The following DAB1 variants were observed in gnomAD, a reference collection of about 807,000 sequenced individuals.
DAB1 encodes the protein DAB adaptor protein 1.
DAB1 carries 15 observed loss-of-function variants against 64.6 expected under a neutral mutation model. That is an observed-to-expected ratio of 0.23 (90% CI 0.16 to 0.36). The LOEUF is 0.36. Among genes scored for constraint, DAB1 ranks in the 10% least tolerant of loss-of-function variants. The probability of loss-of-function intolerance (pLI) is 1.00; values close to 1 mark genes in which losing one functional copy is unlikely to be tolerated. For missense variants in DAB1, 596 were observed against 706.7 expected (o/e 0.84, Z 1.78); for synonymous variants, 235 against 251.9 (o/e 0.93, Z 0.64).
At chr1:57,002,865 G>T (rs1645922441) in intron 14 of DAB1, among the ~76,000 whole-genome samples, 1 of 152,186 alleles carries the variant, frequency 6.6e-6, no homozygotes, top group African/African-American at 2.4e-5. Context: ...TTCCTCATCT[G>T]TAAAATGAGG....
chr1:58,432,892 C>G (rs1051512192), intron 3 of DAB1, among the ~76,000 whole-genome samples: 30 of 152,258 alleles, frequency 2.0e-4, no homozygotes, highest in Admixed American at 7.2e-4. Flanking sequence ...AGCCCTCCCC[C>G]CAGCCCCCTT....
At chr1:57,278,630 A>G (rs937733307) in intron 2 of DAB1, among the ~76,000 whole-genome samples, 2 of 152,224 alleles carry the variant, frequency 1.3e-5, no homozygotes, top group Non-Finnish European at 2.9e-5. Context: ...GCTATGTCTC[A>G]GAGGAGCAGG....
intron 7 of DAB1, among the ~76,000 whole-genome samples, chr1:57,070,275 A>G (rs1651323044): frequency 6.6e-6 from 1 of 152,240 alleles, no homozygotes; most frequent in Admixed American, 6.5e-5. Flanking sequence ...GTGTAAGTTC[A>G]AGATTTTCCT....
At chr1:58,456,139 C>G (rs1645191155) in intron 3 of DAB1, among the ~76,000 whole-genome samples, 3 of 152,240 alleles carry the variant, frequency 2.0e-5, no homozygotes, top group African/African-American at 7.2e-5. Flanking sequence ...TCTCAATTTT[C>G]TTTTCTTCCC....
chr1:57,126,789 C>T (rs1657164394), intron 4 of DAB1, among the ~76,000 whole-genome samples: 1 of 152,166 alleles, frequency 6.6e-6, no homozygotes, highest in Non-Finnish European at 1.5e-5. Flanking sequence ...GTCACCCAGC[C>T]CCCAGGCTCA....
At chr1:58,432,990 C>T (rs919966904) in intron 3 of DAB1, among the ~76,000 whole-genome samples, 2 of 152,238 alleles carry the variant, frequency 1.3e-5, no homozygotes, top group African/African-American at 4.8e-5. Context: ...AGGCATTCCT[C>T]TTTGCAAGCC....
intron 5 of DAB1, among the ~76,000 whole-genome samples, chr1:57,959,957 C>T (rs1382394555): frequency 6.6e-6 from 1 of 152,168 alleles, no homozygotes; most frequent in African/African-American, 2.4e-5. Flanking sequence ...CTCTAGGCAA[C>T]CCTTGCATAA....
rs1673994308 is a variant in DAB1 at position 57,304,792 on chromosome 1, C to T, written c.-136-13626G>A. 2.6e-5 allele frequency among the ~76,000 whole-genome samples: 4 copies of T among 152,042 alleles called. 1 individual carries two copies. The highest frequency in any genetic ancestry group is 2.6e-4 in the Admixed American group (4 of 15,264). On this transcript the variant is annotated intron_variant, in intron 1 of 14. Coordinates refer to ENST00000371236, the MANE Select transcript of DAB1 (RefSeq NM_001365792.1). ...CCATATAACTATTGATTACGTAATC[C>T]ATACTTCTCAAAATGAGTTAGGAAA...
At chr1:57,795,734 T>TATATATATATATA (rs1650828779) in intron 6 of DAB1, among the ~76,000 whole-genome samples, 1 of 108,682 alleles carries the variant, frequency 9.2e-6, no homozygotes, top group Non-Finnish European at 1.9e-5. Flanking sequence ...TATATATATA[T>TATATATATATATA]CATACACATG....
chr1:58,220,157 C>G (rs1659081842), intron 4 of DAB1, among the ~76,000 whole-genome samples: 1 of 152,138 alleles, frequency 6.6e-6, no homozygotes, highest in African/African-American at 2.4e-5. Flanking sequence ...AACTTTTTGT[C>G]ATTGGGGGCC....
rs191625655 is a variant in DAB1, at chr1:57,978,386, C to A, written n.388-94224G>T. On this transcript the variant is annotated intron_variant and non_coding_transcript_variant, in intron 5 of 20. Transcript: ENST00000485760. Reference sequence around the variant, plus strand: ...ATGTGCAGAAAACTGAAACAGGACCCCTTCCTTACACCTTATATAAAAATC... The same window carrying A: ...ATGTGCAGAAAACTGAAACAGGACCACTTCCTTACACCTTATATAAAAATC... Among the ~76,000 whole-genome samples, 85 of 152,224 alleles carry A rather than the reference C, an allele frequency of 5.6e-4. No individual in the cohort carries two copies. The East Asian group carries it at 9.8e-3, about 18-fold the overall frequency.
chr1:58,241,889 C>G (rs774262023), intron 4 of DAB1, among the ~76,000 whole-genome samples: 3 of 152,054 alleles, frequency 2.0e-5, no homozygotes, highest in Admixed American at 1.3e-4. Context: ...TTATTACATT[C>G]TCTTTAGAAA....
intron 2 of DAB1, among the ~76,000 whole-genome samples, chr1:57,216,526 A>C (rs1420484815): frequency 6.6e-6 from 1 of 152,204 alleles, no homozygotes; most frequent in African/African-American, 2.4e-5. Flanking sequence ...TGTTATTATC[A>C]AATGAGAGGT....
At chr1:57,279,037 TG>T (rs1307883593) in intron 2 of DAB1, among the ~76,000 whole-genome samples, 9 of 152,214 alleles carry the variant, frequency 5.9e-5, no homozygotes, top group African/African-American at 2.2e-4. Flanking sequence ...GGATGCCCGC[TG>T]GGAGGTGAAC....
At chr1:58,336,159 T>A (rs914417825) in intron 4 of DAB1, among the ~76,000 whole-genome samples, 6 of 152,178 alleles carry the variant, frequency 3.9e-5, no homozygotes, top group Non-Finnish European at 8.8e-5. Flanking sequence ...ATAAATGATT[T>A]TTAAATTGGA....
chr1:58,035,908 A>G (rs1012637760), intron 5 of DAB1, among the ~76,000 whole-genome samples: 1 of 152,250 alleles, frequency 6.6e-6, no homozygotes, highest in African/African-American at 2.4e-5. Flanking sequence ...CTGCTTACAG[A>G]TAGACCTTTG....
At chr1:57,595,344 G>T (rs1277898210) in intron 7 of DAB1, among the ~76,000 whole-genome samples, 1 of 151,928 alleles carries the variant, frequency 6.6e-6, no homozygotes, top group Non-Finnish European at 1.5e-5. Flanking sequence ...AAGGATATCA[G>T]CTTTTTTGGG....
intron 6 of DAB1, among the ~76,000 whole-genome samples, chr1:57,766,934 T>C (rs1649340021): frequency 6.6e-6 from 1 of 151,446 alleles, no homozygotes; most frequent in Admixed American, 6.6e-5. Context: ...ACCAGGTTAT[T>C]ATAAATGATA....
At chr1:57,561,697 G>A (rs1645054246) in intron 7 of DAB1, among the ~76,000 whole-genome samples, 1 of 152,180 alleles carries the variant, frequency 6.6e-6, no homozygotes, top group Admixed American at 6.5e-5. Context: ...GAACAAAGTG[G>A]CCATGGTGGC....
Sources: gnomAD v4.1 joint callset for allele counts (sites outside exome capture counted in the v4.1 genomes callset) on GRCh38, gnomAD v4.1.1 for gene constraint, MANE v1.5 for transcripts, NCBI Gene and HGNC (gene_info 2026-07-23, HGNC 2026-07-21) for gene names.